Variants in CADM2 observed in about 807,000 individuals in gnomAD.
The protein encoded by CADM2 is cell adhesion molecule 2.
CADM2 carries 12 observed loss-of-function variants against 49.8 expected under a neutral mutation model. That is an observed-to-expected ratio of 0.24 (90% CI 0.15 to 0.39). The LOEUF is 0.39. Among genes scored for constraint, CADM2 ranks in the 10% least tolerant of loss-of-function variants. The pLI, the probability that CADM2 is intolerant of heterozygous loss-of-function variation, is 1.00. For missense variants in CADM2, 378 were observed against 492.3 expected (o/e 0.77, Z 2.20); for synonymous variants, 214 against 175.4 (o/e 1.22, Z -1.74).
chr3:85,995,871 CGAGGTCAGGAGATCAAGA>C (rs1729338875), intron 8 of CADM2, among the ~76,000 whole-genome samples: 1 of 151,960 alleles, frequency 6.6e-6, no homozygotes, highest in Non-Finnish European at 1.5e-5. Flanking sequence ...GGGTGGATCA[CGAGGTCAGGAGATCAAGA>C]CCGTCCTGGC....
intron 1 of CADM2, among the ~76,000 whole-genome samples, chr3:85,521,939 G>A (rs934610543): frequency 3.9e-5 from 6 of 152,140 alleles, no homozygotes; most frequent in African/African-American, 1.4e-4. Context: ...AGAGTCCAGA[G>A]CAGTACCAGT....
At position 85,942,438 on chromosome 3, in the gene CADM2, C is replaced by T. The variant is rs186733949; in HGVS notation, c.791+6581C>T. 5.8e-3 allele frequency among the ~76,000 whole-genome samples: 880 copies of T among 151,592 alleles called. 8 individuals carry two copies. The highest frequency in any genetic ancestry group is 0.012 in the Admixed American group (185 of 15,174). On this transcript the variant is annotated intron_variant, in intron 7 of 9. Transcript: ENST00000383699. Reference sequence around the variant, plus strand: ...CATGCTGGTGCGCTGCACCCACTAACTTGTCATCTAGCATTAGGTATATCT... The same window carrying T: ...CATGCTGGTGCGCTGCACCCACTAATTTGTCATCTAGCATTAGGTATATCT...
At chr3:85,828,393 G>T (rs1454170396) in intron 3 of CADM2, among the ~76,000 whole-genome samples, 1 of 151,868 alleles carries the variant, frequency 6.6e-6, no homozygotes, top group Non-Finnish European at 1.5e-5. Flanking sequence ...TTGAACTGTA[G>T]ATTAAGAAAG....
intron 7 of CADM2, among the ~76,000 whole-genome samples, chr3:85,943,581 A>G (rs1040785288): frequency 2.0e-5 from 3 of 151,544 alleles, no homozygotes; most frequent in East Asian, 2.0e-4. Context: ...AGCACCATTT[A>G]TTAAATAGAG....
At chr3:85,355,559 A>T (rs959474224) in intron 1 of CADM2, among the ~76,000 whole-genome samples, 1 of 152,130 alleles carries the variant, frequency 6.6e-6, no homozygotes, top group African/African-American at 2.4e-5. Flanking sequence ...ACAAGAATTC[A>T]TGGGTTCTTA....
intron 1 of CADM2, among the ~76,000 whole-genome samples, chr3:85,480,011 A>T (rs185739426): frequency 4.7e-4 from 72 of 151,914 alleles, no homozygotes; most frequent in African/African-American, 1.7e-3. Context: ...TATTTTTTTT[A>T]AACTCTGTGT....
chr3:85,176,451 A>C (rs1326950471), intron 1 of CADM2, among the ~76,000 whole-genome samples: 1 of 152,172 alleles, frequency 6.6e-6, no homozygotes, highest in African/African-American at 2.4e-5. Context: ...ATTAAATGAG[A>C]TTCTTTTAGA....
chr3:85,697,784 A>T (rs2066616726), intron 1 of CADM2, among the ~76,000 whole-genome samples: 1 of 152,210 alleles, frequency 6.6e-6, no homozygotes, highest in Admixed American at 6.5e-5. Context: ...ATTATAGAAT[A>T]TAACAGATTT....
At chr3:85,607,994 C>A (rs777355953) in intron 1 of CADM2, among the ~76,000 whole-genome samples, 7 of 151,912 alleles carry the variant, frequency 4.6e-5, no homozygotes, top group Non-Finnish European at 1.0e-4. Flanking sequence ...TTATTAGAAA[C>A]AAATAATTTC....
chr3:85,203,410 G>A (rs2041558083), intron 1 of CADM2, among the ~76,000 whole-genome samples: 1 of 152,072 alleles, frequency 6.6e-6, no homozygotes, highest in South Asian at 2.1e-4. Flanking sequence ...AAGTGTCAAG[G>A]GAAGGGTGGT....
At chr3:85,288,250 A>C (rs1305759890) in intron 1 of CADM2, among the ~76,000 whole-genome samples, 2 of 152,110 alleles carry the variant, frequency 1.3e-5, no homozygotes, top group Non-Finnish European at 2.9e-5. Flanking sequence ...TAGTTCATGG[A>C]GATCAGTTAC....
At chr3:85,147,907 A>G (rs1364339709) in intron 1 of CADM2, among the ~76,000 whole-genome samples, 1 of 152,212 alleles carries the variant, frequency 6.6e-6, no homozygotes, top group Non-Finnish European at 1.5e-5. Context: ...AGTACAAATT[A>G]TAATATGTAT....
chr3:85,372,069 A>C (rs189558917), intron 1 of CADM2, among the ~76,000 whole-genome samples: 12 of 152,170 alleles, frequency 7.9e-5, no homozygotes, highest in Admixed American at 2.6e-4. Flanking sequence ...TGCTGACTTT[A>C]TTACATCGGT....
At chr3:85,198,276 C>T (rs2041396707) in intron 1 of CADM2, among the ~76,000 whole-genome samples, 1 of 151,796 alleles carries the variant, frequency 6.6e-6, no homozygotes, top group African/African-American at 2.4e-5. Context: ...TATCAGTTCA[C>T]ATTTTCAAAA....
At chr3:85,323,296 T>A (rs564083643) in intron 1 of CADM2, among the ~76,000 whole-genome samples, 1 of 152,270 alleles carries the variant, frequency 6.6e-6, no homozygotes, top group South Asian at 2.1e-4. Context: ...AAATGGGACC[T>A]ATTTGGTAGC....
intron 1 of CADM2, among the ~76,000 whole-genome samples, chr3:85,623,730 C>T (rs2064042244): frequency 1.3e-5 from 2 of 151,968 alleles, no homozygotes; most frequent in Non-Finnish European, 2.9e-5. Context: ...TAGCATTGGT[C>T]GCTGAGTAAA....
At chr3:86,028,707 C>A (rs1038309736) in intron 8 of CADM2, among the ~76,000 whole-genome samples, 6 of 152,106 alleles carry the variant, frequency 3.9e-5, no homozygotes. Context: ...GAAAGGCCAT[C>A]ACCTTTGAAG....
chr3:85,628,538 TACACATATATATACAC>T lies in CADM2; in HGVS notation c.62-97968_62-97953del, dbSNP rs2064194484. Among the ~76,000 whole-genome samples the T allele has an allele frequency of 2.0e-5, 3 of 148,794 alleles. No individual in the cohort carries two copies. In the South Asian group the frequency reaches 6.3e-4, roughly 31 times the overall value. ...ATATATATATATACACACATATATATACACATATATATACACACACATATATATACATATATACACA... is the reference window on the plus strand; with the variant it reads ...ATATATATATATACACACATATATATACACATATATATACATATATACACA... On this transcript the variant is annotated intron_variant, in intron 1 of 9. Coordinates refer to ENST00000383699, the MANE Select transcript of CADM2 (RefSeq NM_001167675.2).
At chr3:85,545,209 C>G (rs1449404) in intron 1 of CADM2, among the ~76,000 whole-genome samples, 25,626 of 152,078 alleles carry the variant, frequency 0.17, 2,677 homozygotes, top group Non-Finnish European at 0.23. Context: ...TTCCTTAAAC[C>G]TATGACTACA....
Sources: gnomAD v4.1 joint callset for allele counts (sites outside exome capture counted in the v4.1 genomes callset) on GRCh38, gnomAD v4.1.1 for gene constraint, MANE v1.5 for transcripts, NCBI Gene and HGNC (gene_info 2026-07-23, HGNC 2026-07-21) for gene names.